FHIT: variants seen among roughly 807,000 people sequenced by gnomAD.
FHIT encodes the protein fragile histidine triad diadenosine triphosphatase.
Under a neutral mutation model 17.9 loss-of-function variants are expected in FHIT, and 19 were observed. The ratio of observed to expected loss-of-function variants is 1.06; its 90% confidence interval spans 0.74 to 1.56. FHIT has a LOEUF of 1.56. Among genes scored for constraint, FHIT ranks in the 40% most tolerant of loss-of-function variants. The probability of loss-of-function intolerance (pLI) is 0.00; values close to 1 mark genes in which losing one functional copy is unlikely to be tolerated. For synonymous variants in FHIT, 81 were observed against 69.7 expected, an observed-to-expected ratio of 1.16 and a Z score of -0.81; for missense variants, 248 against 189.2, an observed-to-expected ratio of 1.31 and a Z score of -1.82.
chr3:60,501,008 A>G (rs1052366799), intron 5 of FHIT, among the ~76,000 whole-genome samples: 2 of 152,178 alleles, frequency 1.3e-5, no homozygotes, highest in East Asian at 3.9e-4. Context: ...AAAAACCTCA[A>G]TTGCTTTTCC....
intron 8 of FHIT, among the ~76,000 whole-genome samples, chr3:59,834,414 T>G (rs1342610460): frequency 6.6e-6 from 1 of 151,874 alleles, no homozygotes; most frequent in Non-Finnish European, 1.5e-5. Flanking sequence ...AGATAGATGA[T>G]AGAGAGAGAG....
chr3:61,182,851 G>C (rs1459318295), intron 2 of FHIT, among the ~76,000 whole-genome samples: 1 of 152,198 alleles, frequency 6.6e-6, no homozygotes, highest in Non-Finnish European at 1.5e-5. Context: ...GGCTGTCCCT[G>C]AATGTGTCAT....
intron 5 of FHIT, among the ~76,000 whole-genome samples, chr3:60,308,524 ATATATG>A (rs2106745026): frequency 8.9e-6 from 1 of 112,090 alleles, no homozygotes; most frequent in Admixed American, 9.5e-5. Flanking sequence ...ATATATATAT[ATATATG>A]CCTCTCAAAT....
chr3:60,152,286 C>T (rs905308762), intron 5 of FHIT, among the ~76,000 whole-genome samples: 3 of 152,170 alleles, frequency 2.0e-5, no homozygotes, highest in African/African-American at 7.2e-5. Context: ...AGCACATGCA[C>T]ACATGTATGT....
intron 5 of FHIT, among the ~76,000 whole-genome samples, chr3:60,213,284 GC>G (rs1703540866): frequency 6.6e-6 from 1 of 152,034 alleles, no homozygotes; most frequent in Non-Finnish European, 1.5e-5. Flanking sequence ...TCTCTGATCA[GC>G]TTTTGGCCTC....
At chr3:59,855,995 A>T (rs966619074) in intron 8 of FHIT, among the ~76,000 whole-genome samples, 8 of 152,134 alleles carry the variant, frequency 5.3e-5, no homozygotes, top group African/African-American at 1.9e-4. Context: ...GTTAGCCAAG[A>T]TGGTCTTGAT....
intron 5 of FHIT, among the ~76,000 whole-genome samples, chr3:60,428,271 A>G (rs140560327): frequency 2.8e-4 from 43 of 152,304 alleles, no homozygotes; most frequent in African/African-American, 9.9e-4. Context: ...AGAAGGTAAC[A>G]TCTATCTCAC....
At chr3:59,960,109 T>C (rs1575769508) in intron 7 of FHIT, among the ~76,000 whole-genome samples, 1 of 151,594 alleles carries the variant, frequency 6.6e-6, no homozygotes, top group Non-Finnish European at 1.5e-5. Context: ...CACTGAAAAA[T>C]TTGAGAGAGA....
intron 5 of FHIT, among the ~76,000 whole-genome samples, chr3:60,189,365 A>G (rs1702301101): frequency 1.3e-5 from 2 of 152,076 alleles, no homozygotes; most frequent in African/African-American, 2.4e-5. Flanking sequence ...TGGCAATGTA[A>G]TTTTCTTAAA....
At position 60,440,053 on chromosome 3, in the gene FHIT, G is replaced by T. The variant is rs147511136; in HGVS notation, c.103+96807C>A. ...TCAGTCACAGTCTTGCCAGTTCTAA[G>T]CCAACCTAGCCCCCAGAGTCTCATT... On this transcript the variant is annotated intron_variant, in intron 5 of 9. Transcript: ENST00000492590. Among the ~76,000 whole-genome samples, 9 of 152,158 alleles carry T rather than the reference G, an allele frequency of 5.9e-5. No homozygotes were observed. In the East Asian group the frequency reaches 1.7e-3, roughly 30 times the overall value.
At chr3:59,836,907 C>A (rs2106729887) in intron 8 of FHIT, among the ~76,000 whole-genome samples, 1 of 152,334 alleles carries the variant, frequency 6.6e-6, no homozygotes, top group South Asian at 2.1e-4. Context: ...AATTAAGACA[C>A]TTTCTTACCT....
At chr3:60,035,361 C>T (rs371951295) in intron 5 of FHIT, among the ~76,000 whole-genome samples, 2 of 152,248 alleles carry the variant, frequency 1.3e-5, no homozygotes, top group South Asian at 2.1e-4. Flanking sequence ...CTCAGCCTCC[C>T]GAGTAGCTGG....
At chr3:61,039,073 A>AAT (rs1280461396) in intron 3 of FHIT, among the ~76,000 whole-genome samples, 7 of 151,868 alleles carry the variant, frequency 4.6e-5, no homozygotes, top group Admixed American at 1.3e-4. Context: ...ATCACTTAAA[A>AAT]ATATATATAT....
At chr3:60,006,041 A>G (rs1264448298) in intron 7 of FHIT, among the ~76,000 whole-genome samples, 1 of 152,146 alleles carries the variant, frequency 6.6e-6, no homozygotes, top group African/African-American at 2.4e-5. Context: ...AGAACTACCG[A>G]GTCAGCAAAG....
chr3:60,485,258 G>GTTC (rs2033787285), intron 5 of FHIT, among the ~76,000 whole-genome samples: 1 of 152,110 alleles, frequency 6.6e-6, no homozygotes, highest in African/African-American at 2.4e-5. Context: ...ATTCCTCAAG[G>GTTC]ATCTAGAACA....
At chr3:60,732,769 C>G (rs1338990525) in intron 4 of FHIT, 3 of 259,726 alleles carry the variant, frequency 1.2e-5, no homozygotes, top group Admixed American at 4.8e-5. Context: ...TCACTGCAAT[C>G]TCCACCTTCC....
At chr3:60,694,903 G>A (rs568082884) in intron 4 of FHIT, among the ~76,000 whole-genome samples, 17 of 152,126 alleles carry the variant, frequency 1.1e-4, no homozygotes, top group East Asian at 3.9e-4. Context: ...ATCACACACC[G>A]GGGCCTGTTG....
intron 5 of FHIT, among the ~76,000 whole-genome samples, chr3:60,105,783 T>A (rs1437106712): frequency 6.6e-6 from 1 of 152,144 alleles, no homozygotes; most frequent in Non-Finnish European, 1.5e-5. Flanking sequence ...CATCATGAAG[T>A]ATTTTACTTT....
At position 60,861,149 on chromosome 3, in the gene FHIT, C is replaced by A. The variant is rs13326349; in HGVS notation, c.-110-39138G>T. Among the ~76,000 whole-genome samples, 16 of 10,234 alleles carry A rather than the reference C, an allele frequency of 1.6e-3. 1 individual carries two copies. Among genetic ancestry groups the A allele is most frequent in the African/African-American group, 5.3e-3 (12 of 2,248 alleles). 6.7% of individuals were successfully genotyped at this position (10,234 alleles called of 152,430 possible). On this transcript the variant is annotated intron_variant, in intron 3 of 9. Transcript: ENST00000492590. Reference sequence around the variant, plus strand: ...TATATATGATATATGTATATATGATCTATATACATATATATCATATGTTCT... The same window carrying A: ...TATATATGATATATGTATATATGATATATATACATATATATCATATGTTCT...
Sources: allele counts gnomAD v4.1 joint callset (sites outside exome capture counted in the v4.1 genomes callset), GRCh38; gene constraint gnomAD v4.1.1; transcripts MANE v1.5; gene names NCBI Gene and HGNC (gene_info 2026-07-23, HGNC 2026-07-21).